BCR: variants seen among roughly 807,000 people sequenced by gnomAD.
The protein encoded by BCR is BCR activator of RhoGEF and GTPase.
A neutral mutation model predicts 138.6 loss-of-function variants in BCR; 58 were observed. The ratio of observed to expected loss-of-function variants is 0.42; its 90% CI spans 0.34 to 0.52. The LOEUF (loss-of-function observed/expected upper bound fraction) is 0.52. BCR is among the 20% of genes least tolerant of loss of function. The pLI, the probability that BCR is intolerant of heterozygous loss-of-function variation, is 0.06. For missense variants in BCR, 1,599 were observed against 1,727.2 expected (o/e 0.93, Z 1.32); for synonymous variants, 786 against 730.1 (o/e 1.08, Z -1.23).
intron 1 of BCR, among the ~76,000 whole-genome samples, chr22:23,190,255 C>T (rs1298490672): frequency 6.6e-6 from 1 of 152,186 alleles, no homozygotes; most frequent in Non-Finnish European, 1.5e-5. Flanking sequence ...GCAACCTCCA[C>T]CTCCCAGGTT....
At chr22:23,196,859 C>T (rs891880200) in intron 1 of BCR, among the ~76,000 whole-genome samples, 13 of 152,286 alleles carry the variant, frequency 8.5e-5, no homozygotes, top group African/African-American at 1.4e-4. Context: ...CTCCGCCTAC[C>T]GCTCACCTCC....
chr22:23,266,688 T>A (rs537939785), intron 4 of BCR, among the ~76,000 whole-genome samples: 1 of 152,230 alleles, frequency 6.6e-6, no homozygotes, highest in Non-Finnish European at 1.5e-5. Flanking sequence ...CCAGACAACC[T>A]TGACATTTTT....
chr22:23,298,621 A>T (rs895246397), intron 16 of BCR, among the ~76,000 whole-genome samples: 1 of 143,620 alleles, frequency 7.0e-6, no homozygotes, highest in Admixed American at 7.3e-5. Flanking sequence ...TCTTCTTCGG[A>T]GTCTCACTGT....
intron 1 of BCR, among the ~76,000 whole-genome samples, chr22:23,225,542 G>A (rs1203489531): frequency 6.6e-6 from 1 of 152,216 alleles, no homozygotes; most frequent in Non-Finnish European, 1.5e-5. Context: ...GGCTAATCAG[G>A]ACACGGGTAT....
chr22:23,249,472 C>T (rs985500314), intron 1 of BCR, among the ~76,000 whole-genome samples: 1 of 151,460 alleles, frequency 6.6e-6, no homozygotes, highest in Admixed American at 6.6e-5. Context: ...TAGTGGCATG[C>T]ACCTGTAGTC....
rs768250775 is a variant in BCR, at chr22:23,285,014, C to A, written c.2238-19C>A. The A allele has an allele frequency of 1.2e-6, 2 of 1,607,768 alleles. No homozygotes were observed. Among genetic ancestry groups the A allele is most frequent in the Admixed American group, 1.7e-5 (1 of 59,876 alleles). ...AAGGCAGTCGGTGCATGTGAACGTT[C>A]TTCTCTCCCCATCCCCAGCAAAACG... is the stretch of plus-strand genomic sequence containing the variant. On this transcript the variant is annotated intron_variant, in intron 9 of 22. Coordinates refer to ENST00000305877, the MANE Select transcript of BCR (RefSeq NM_004327.4).
chr22:23,250,888 T>C (rs1192097794), intron 1 of BCR: 1 of 152,132 alleles, frequency 6.6e-6, no homozygotes, highest in African/African-American at 2.4e-5. Flanking sequence ...CTGGACTAAC[T>C]CACAGAGAGG....
intron 16 of BCR, among the ~76,000 whole-genome samples, chr22:23,298,013 C>G (rs935647443): frequency 6.6e-6 from 1 of 152,176 alleles, no homozygotes; most frequent in African/African-American, 2.4e-5. Context: ...AAGAAAAACC[C>G]GAGCTGGACA....
At chr22:23,191,154 C>T (rs1178021705) in intron 1 of BCR, among the ~76,000 whole-genome samples, 2 of 152,126 alleles carry the variant, frequency 1.3e-5, no homozygotes, top group Non-Finnish European at 2.9e-5. Context: ...TGGTCTCAAA[C>T]TCCTGGCCTC....
At chr22:23,184,195 T>A in intron 1 of BCR, among the ~76,000 whole-genome samples, 1 of 152,168 alleles carries the variant, frequency 6.6e-6, no homozygotes, top group Non-Finnish European at 1.5e-5. Flanking sequence ...GCTCAGGTGA[T>A]CCACCACAGC....
intron 8 of BCR, among the ~76,000 whole-genome samples, chr22:23,279,644 C>T (rs1170306560): frequency 6.6e-6 from 1 of 152,258 alleles, no homozygotes; most frequent in African/African-American, 2.4e-5. Flanking sequence ...TCTTCCTTCT[C>T]CACTTCCTCA....
At chr22:23,267,407 C>T (rs1346531161) in intron 4 of BCR, among the ~76,000 whole-genome samples, 1 of 152,180 alleles carries the variant, frequency 6.6e-6, no homozygotes, top group Admixed American at 6.5e-5. Context: ...TTGTAGGGAG[C>T]AGGGCCAGAA....
chr22:23,241,728 A>G lies in BCR; in HGVS notation c.1280-12071A>G, dbSNP rs75501036. On this transcript the variant is annotated intron_variant, in intron 1 of 22. Coordinates refer to ENST00000305877, the MANE Select transcript of BCR (RefSeq NM_004327.4). ...TCAGTGCCCCTGCCTGCGTTTTTCT[A>G]CCAACACCAGGCCTACCTGGAGTGA... Among the ~76,000 whole-genome samples the G allele has an allele frequency of 1.8e-3, 279 of 151,960 alleles. 1 individual carries two copies. Among genetic ancestry groups the G allele is most frequent in the African/African-American group, 6.3e-3 (261 of 41,436 alleles).
rs141997637 is a variant in BCR at position 23,289,569 on chromosome 22, G to A, written c.2655G>A (p.Ser885=). The part of the protein sequence containing the change: ...TSVELQMLTN[S]CVKLQTVHSI... ...TGGAGCTGCAGATGCTGACCAACTC[G>A]TGTGTGAAACTCCAGACTGTCCACA... Residue 885 remains serine (S), a synonymous_variant, in exon 13 of 23, where the codon TCG becomes TCA. Coordinates refer to ENST00000305877, the MANE Select transcript of BCR (RefSeq NM_004327.4). 6.8e-6 allele frequency: 11 copies of A among 1,614,106 alleles called. No individual in the cohort carries two copies. Among genetic ancestry groups the A allele is most frequent in the South Asian group, 1.1e-5 (1 of 91,090 alleles).
In BCR at chr22:23,181,513, G is replaced by C; in HGVS notation, c.553G>C (p.Glu185Gln). The change falls in exon 1 of 23, where the codon GAG becomes CAG. Residue 185 changes from glutamate (E) to glutamine (Q), a missense_variant. This residue lies in a region of BCR where 806 missense variants were observed against 635.0 expected (regional missense o/e 1.27). Coordinates refer to ENST00000305877, the MANE Select transcript of BCR (RefSeq NM_004327.4). ...PFYVNVEFHH[E>Q]RGLVKVNDKE... ...CTACGTGAACGTCGAGTTTCACCACGAGCGCGGCCTGGTGAAGGTCAACGA... is the reference window on the plus strand; with the variant it reads ...CTACGTGAACGTCGAGTTTCACCACCAGCGCGGCCTGGTGAAGGTCAACGA... The C allele has an allele frequency of 6.2e-7, 1 of 1,612,588 alleles. No individual in the cohort carries two copies. Among genetic ancestry groups the C allele is most frequent in the Non-Finnish European group, 8.5e-7 (1 of 1,179,666 alleles).
At chr22:23,200,469 C>T (rs2072539778) in intron 1 of BCR, among the ~76,000 whole-genome samples, 1 of 152,092 alleles carries the variant, frequency 6.6e-6, no homozygotes, top group South Asian at 2.1e-4. Context: ...CATGCACCAC[C>T]ATCCCCCCAG....
At chr22:23,239,953 A>G (rs1056093418) in intron 1 of BCR, among the ~76,000 whole-genome samples, 3 of 152,116 alleles carry the variant, frequency 2.0e-5, no homozygotes, top group Admixed American at 6.6e-5. Context: ...CAAGTAGCTG[A>G]AAACTACACT....
chr22:23,292,280 C>T (rs991023718), intron 14 of BCR, among the ~76,000 whole-genome samples: 7 of 152,142 alleles, frequency 4.6e-5, no homozygotes, highest in Non-Finnish European at 7.3e-5. Context: ...GTTTGTGGAT[C>T]GACTGAGTGA....
intron 4 of BCR, among the ~76,000 whole-genome samples, chr22:23,267,365 C>T (rs1056222637): frequency 1.3e-5 from 2 of 152,154 alleles, no homozygotes; most frequent in Non-Finnish European, 2.9e-5. Context: ...GCTACCCTTT[C>T]CTCGTACACT....
Sources: allele counts gnomAD v4.1 joint callset (sites outside exome capture counted in the v4.1 genomes callset), GRCh38; gene constraint gnomAD v4.1.1; regional missense constraint gnomAD v4.1.1; transcripts MANE v1.5; gene names NCBI Gene and HGNC (gene_info 2026-07-23, HGNC 2026-07-21).